Variants in KLHL20 observed in about 807,000 individuals in gnomAD.
KLHL20 encodes kelch-like protein 20.
A neutral mutation model predicts 69.5 loss-of-function variants in KLHL20; 29 were observed. The ratio of observed to expected loss-of-function variants is 0.42; its 90% CI spans 0.31 to 0.57. The LOEUF (loss-of-function observed/expected upper bound fraction) is 0.57, where lower values mean the gene tolerates loss of function less well. Ranked by LOEUF, KLHL20 falls within the 20% of genes least tolerant of loss-of-function variation. KLHL20 has a pLI of 0.18. For missense variants in KLHL20, 419 were observed against 776.0 expected (o/e 0.54, Z 5.47); for synonymous variants, 253 against 265.2 (o/e 0.95, Z 0.45).
At chr1:173,774,629 C>T (rs1648335831) in intron 9 of KLHL20, among the ~76,000 whole-genome samples, 191 bp downstream of exon 9, 1 of 152,130 alleles carries the variant, frequency 6.6e-6, no homozygotes, top group Admixed American at 6.5e-5. Flanking sequence ...AAGTACGTTC[C>T]CCAAATATTT....
chr1:173,745,887 C>G lies in KLHL20; in HGVS notation c.598-5877C>G, dbSNP rs192561037. ...TGTTTAGAAAGTATTTGCTTGAACC[C>G]AGGAGGCGGAGGTTGCAGTGAGCTG... On this transcript the variant is annotated intron_variant, in intron 3 of 11. Coordinates refer to ENST00000209884, the MANE Select transcript of KLHL20 (RefSeq NM_014458.4). Among the ~76,000 whole-genome samples the G allele has an allele frequency of 8.0e-3, 1,215 of 152,060 alleles. 3 individuals are homozygous for G. Among genetic ancestry groups the G allele is most frequent in the Non-Finnish European group, 0.012 (784 of 67,990 alleles).
At chr1:173,738,370 A>G (rs1017087655) in intron 3 of KLHL20, among the ~76,000 whole-genome samples, 4 of 152,060 alleles carry the variant, frequency 2.6e-5, no homozygotes, top group African/African-American at 7.2e-5. Context: ...CGGTTTTGCC[A>G]TGTTGCCCAG....
chr1:173,768,670 G>T (rs1647886443), intron 8 of KLHL20, among the ~76,000 whole-genome samples: 1 of 152,154 alleles, frequency 6.6e-6, no homozygotes, highest in Non-Finnish European at 1.5e-5. Context: ...CTGGAGATTG[G>T]AGTTACACAA....
intron 3 of KLHL20, among the ~76,000 whole-genome samples, chr1:173,737,728 G>A (rs914752842): frequency 9.1e-4 from 139 of 152,188 alleles, no homozygotes; most frequent in African/African-American, 3.2e-3. Context: ...TTTTAGGATT[G>A]TTTTTTCTAG....
At chr1:173,738,315 C>G (rs1571874624) in intron 3 of KLHL20, among the ~76,000 whole-genome samples, 1 of 152,078 alleles carries the variant, frequency 6.6e-6, no homozygotes, top group Non-Finnish European at 1.5e-5. Flanking sequence ...ACTACAGATG[C>G]GCACCATCAT....
At chr1:173,724,425 T>C (rs2102457053) in intron 2 of KLHL20, among the ~76,000 whole-genome samples, 1 of 152,324 alleles carries the variant, frequency 6.6e-6, no homozygotes, top group African/African-American at 2.4e-5. Flanking sequence ...TTCCACAGTC[T>C]ATAGCAAAAT....
intron 3 of KLHL20, among the ~76,000 whole-genome samples, chr1:173,738,175 T>A (rs1672625080): frequency 6.6e-6 from 1 of 152,140 alleles, no homozygotes; most frequent in African/African-American, 2.4e-5. Context: ...TTTGACTTTC[T>A]CTTTAACAAT....
At chr1:173,774,491 G>C in intron 9 of KLHL20, 53 bp downstream of exon 9, 1 of 1,601,438 alleles carries the variant, frequency 6.2e-7, no homozygotes, top group Non-Finnish European at 8.5e-7. Context: ...CATTTTCCTG[G>C]AGAGTCCTCC....
intron 7 of KLHL20, among the ~76,000 whole-genome samples, chr1:173,760,780 A>T (rs954742798): frequency 6.6e-6 from 1 of 152,200 alleles, no homozygotes; most frequent in Non-Finnish European, 1.5e-5. Context: ...AGCATAAATC[A>T]CACAGTACCC....
chr1:173,774,215 A>G, intron 8 of KLHL20, 90 bp from the exon 9 acceptor site: 3 of 1,459,422 alleles, frequency 2.1e-6, no homozygotes, highest in South Asian at 1.2e-5. Flanking sequence ...AAGTCCGTGT[A>G]CTCAGTATAT....
intron 3 of KLHL20, among the ~76,000 whole-genome samples, chr1:173,735,075 G>A (rs1294654025): frequency 6.6e-6 from 1 of 152,174 alleles, no homozygotes; most frequent in East Asian, 1.9e-4. Context: ...AGAGACCAAG[G>A]GGGGTAGAGG....
rs760880033 is a variant in KLHL20, at chr1:173,766,225, C to G, written c.1231C>G (p.Leu411Val). 1.9e-5 allele frequency: 31 copies of G among 1,611,698 alleles called. No individual in the cohort carries two copies. The South Asian group carries it at 3.3e-4, about 17-fold the overall frequency. ...CAGGACAAGTGTTGGTGTAGCAGTA[C>G]TTGGAGGCTTTCTTTATGCTGTGGG... The part of the protein sequence containing the change: ...TCRTSVGVAV[L>V]GGFLYAVGGQ... Residue 411 changes from leucine to valine, a missense_variant, in exon 8 of 12, where the codon CTT (leucine) becomes GTT (valine). Physicochemically the swap from Leu to Val is conservative, Grantham distance 32. Transcript: ENST00000209884.
intron 7 of KLHL20, among the ~76,000 whole-genome samples, chr1:173,761,232 T>C (rs1237362746): frequency 6.6e-6 from 1 of 152,120 alleles, no homozygotes; most frequent in African/African-American, 2.4e-5. Context: ...CCCAAACTTA[T>C]AAAACAATTA....
chr1:173,769,212 T>C (rs1241302378), intron 8 of KLHL20, among the ~76,000 whole-genome samples: 1 of 152,114 alleles, frequency 6.6e-6, no homozygotes, highest in Non-Finnish European at 1.5e-5. Context: ...CAGAAGCATG[T>C]GCCTGGTTGT....
At chr1:173,732,675 ACC>A (rs1354253189) in intron 2 of KLHL20, among the ~76,000 whole-genome samples, 3 of 152,162 alleles carry the variant, frequency 2.0e-5, no homozygotes, top group Non-Finnish European at 4.4e-5. Flanking sequence ...AAAAATGCAA[ACC>A]TCCAAATAAA....
At chr1:173,749,786 A>G (rs555173633) in intron 3 of KLHL20, among the ~76,000 whole-genome samples, 64 of 152,326 alleles carry the variant, frequency 4.2e-4, no homozygotes, top group African/African-American at 1.5e-3. Context: ...ATGTTTAGGC[A>G]CTTCACAAAG....
intron 8 of KLHL20, among the ~76,000 whole-genome samples, chr1:173,773,283 T>A (rs909628881): frequency 4.6e-5 from 7 of 151,436 alleles, no homozygotes; most frequent in East Asian, 1.9e-4. Flanking sequence ...TTTTTTTTTT[T>A]ATCTTTTTTT....
intron 3 of KLHL20, among the ~76,000 whole-genome samples, chr1:173,745,924 C>T (rs1673038836): frequency 1.3e-5 from 2 of 152,016 alleles, no homozygotes; most frequent in Non-Finnish European, 2.9e-5. Context: ...GACTGCGCCA[C>T]TGCACTCCAG....
chr1:173,775,610 T>G lies in KLHL20; in HGVS notation c.1430-24T>G, dbSNP rs979529972. 3 of 1,599,344 alleles carry G rather than the reference T, an allele frequency of 1.9e-6. No homozygotes were observed. In the African/African-American group the frequency reaches 4.0e-5, roughly 21 times the overall value. ...GAGAGGAAATGGTTGAATGCTCACT[T>G]ACTGGTTTTTCTTTTCCCTACAGTG... On this transcript the variant is annotated intron_variant, in intron 9 of 11. Transcript: ENST00000209884.
Sources: allele counts gnomAD v4.1 joint callset (sites outside exome capture counted in the v4.1 genomes callset), GRCh38; gene constraint gnomAD v4.1.1; transcripts MANE v1.5; gene names NCBI Gene and HGNC (gene_info 2026-07-23, HGNC 2026-07-21).